Variants in PGBD5 observed in about 807,000 individuals in gnomAD.
PGBD5 encodes the protein piggyBac transposable element-derived protein 5.
In PGBD5, 14 loss-of-function variants were observed where a neutral mutation model predicts 47.9. The ratio of observed to expected loss-of-function variants is 0.29; its 90% confidence interval spans 0.19 to 0.46. The LOEUF is 0.46. PGBD5 is among the 20% of genes least tolerant of loss of function. The pLI, the probability that PGBD5 is intolerant of heterozygous loss-of-function variation, is 1.00. For missense variants in PGBD5, 635 were observed against 716.0 expected, an observed-to-expected ratio of 0.89 and a Z score of 1.29; for synonymous variants, 316 against 306.3, an observed-to-expected ratio of 1.03 and a Z score of -0.33.
At chr1:230,359,850 G>A (rs1182353994) in intron 1 of PGBD5, among the ~76,000 whole-genome samples, 1 of 152,180 alleles carries the variant, frequency 6.6e-6, no homozygotes, top group Non-Finnish European at 1.5e-5. Context: ...GTAGCCTGGA[G>A]GGTAAAGTGG....
At chr1:230,336,026 A>G (rs1388917751) in intron 4 of PGBD5, 1 of 152,058 alleles carries the variant, frequency 6.6e-6, no homozygotes, top group African/African-American at 2.4e-5. Context: ...TGGAACACAC[A>G]TAAACATCAC....
chr1:230,404,120 C>T (rs1330755750), intron 1 of PGBD5, among the ~76,000 whole-genome samples: 1 of 152,066 alleles, frequency 6.6e-6, no homozygotes, highest in Non-Finnish European at 1.5e-5. Context: ...AGGCGTCAAG[C>T]TATGAGACTG....
chr1:230,394,469 G>A (rs924461291), intron 1 of PGBD5, among the ~76,000 whole-genome samples: 1 of 105,520 alleles, frequency 9.5e-6, no homozygotes, highest in Non-Finnish European at 2.0e-5. Flanking sequence ...CCCCTAGTTG[G>A]CCAGGGTCCT....
chr1:230,331,567 G>A (rs911132117), intron 5 of PGBD5, among the ~76,000 whole-genome samples: 2 of 152,068 alleles, frequency 1.3e-5, no homozygotes, highest in Non-Finnish European at 2.9e-5. Context: ...CAGCTTGCAA[G>A]GCCAATTCCA....
At position 230,384,715 on chromosome 1, in the gene PGBD5, G is replaced by A. The variant is rs77711473; in HGVS notation, c.332-27394C>T. Among the ~76,000 whole-genome samples, 405 of 152,344 alleles carry A rather than the reference G, an allele frequency of 2.7e-3. 2 individuals carry two copies. The highest frequency in any genetic ancestry group is 9.5e-3 in the African/African-American group (396 of 41,578). On this transcript the variant is annotated intron_variant, in intron 1 of 6. Coordinates refer to ENST00000391860, the MANE Select transcript of PGBD5 (RefSeq NM_001258311.2). ...GTGTGTTTGACTCTCACGACACCAC[G>A]CGGCCTCTTACCTCAGTCTTCTCAT...
At chr1:230,373,959 G>A (rs1447010172) in intron 1 of PGBD5, among the ~76,000 whole-genome samples, 1 of 152,102 alleles carries the variant, frequency 6.6e-6, no homozygotes, top group Non-Finnish European at 1.5e-5. Flanking sequence ...CAACCTCACA[G>A]GTGTGAGCCA....
At chr1:230,361,616 C>T (rs554109025) in intron 1 of PGBD5, among the ~76,000 whole-genome samples, 7 of 152,316 alleles carry the variant, frequency 4.6e-5, no homozygotes, top group African/African-American at 1.7e-4. Context: ...AACAGATTCC[C>T]TCTTCTCAGC....
At chr1:230,407,679 T>C (rs751881286) in intron 1 of PGBD5, among the ~76,000 whole-genome samples, 4 of 151,936 alleles carry the variant, frequency 2.6e-5, no homozygotes, top group Non-Finnish European at 4.4e-5. Flanking sequence ...CTAATGTTCA[T>C]AGAAAAAAAA....
Position 230,320,955 on chromosome 1 carries a change from A to G in PGBD5, c.*2470T>C, listed in dbSNP as rs528472982. Reference sequence around the variant, plus strand: ...TGCCTTTTCCCATCATGTATCAGACAACAGGTGGCTGCCATTTTAGAAACA... The same window carrying G: ...TGCCTTTTCCCATCATGTATCAGACGACAGGTGGCTGCCATTTTAGAAACA... On this transcript the variant is annotated 3_prime_UTR_variant, in exon 7 of 7. Transcript: ENST00000391860. 1.3e-5 allele frequency: 2 copies of G among 152,360 alleles called. No homozygotes were observed. Among genetic ancestry groups the G allele is most frequent in the Admixed American group, 1.3e-4 (2 of 15,300 alleles). 9.4% of individuals were successfully genotyped at this position (152,360 alleles called of 1,614,324 possible).
Position 230,337,225 on chromosome 1 carries a change from G to T in PGBD5, c.958C>A (p.Gln320Lys), listed in dbSNP as rs2102818902. The T allele has an allele frequency of 6.2e-7, 1 of 1,614,126 alleles. No homozygotes were observed. The highest frequency in any genetic ancestry group is 1.1e-5 in the South Asian group (1 of 91,070). ...DGLDALKNKP[Q>K]LHSMVARSLC... is the part of the protein sequence containing the mutation. The stretch of plus-strand genomic sequence containing the variant: ...CTCCTGGCCACCATGCTGTGGAGCT[G>T]GGGCTTATTCTTCAGCGCATCCAGG... The change falls in exon 4 of 7, where the codon CAG (glutamine) becomes AAG (lysine). Residue 320 changes from glutamine (Q) to lysine (K), a missense_variant. By Grantham distance (53) the Gln-to-Lys change is moderately conservative (BLOSUM62 1). Transcript: ENST00000391860.
chr1:230,353,559 G>C (rs1006878654), intron 2 of PGBD5, among the ~76,000 whole-genome samples: 1 of 152,194 alleles, frequency 6.6e-6, no homozygotes, highest in African/African-American at 2.4e-5. Context: ...AGGCTGGAGG[G>C]TGCGAGTGAG....
At chr1:230,399,843 G>C (rs1415810725) in intron 1 of PGBD5, among the ~76,000 whole-genome samples, 1 of 152,242 alleles carries the variant, frequency 6.6e-6, no homozygotes, top group Non-Finnish European at 1.5e-5. Context: ...CATCAGGGCA[G>C]CCAGCTGGTC....
intron 1 of PGBD5, among the ~76,000 whole-genome samples, chr1:230,374,744 G>T (rs757360675): frequency 2.6e-5 from 4 of 152,132 alleles, no homozygotes; most frequent in African/African-American, 7.2e-5. Context: ...CCAGGTAAAG[G>T]GCCAGTTTCA....
At chr1:230,328,012 T>C (rs1486497225) in intron 5 of PGBD5, among the ~76,000 whole-genome samples, 25 of 152,162 alleles carry the variant, frequency 1.6e-4, no homozygotes, top group Admixed American at 1.4e-3. Context: ...ACCATCCCTA[T>C]AAAGAAATGC....
chr1:230,338,883 T>C (rs1316328370), intron 3 of PGBD5, among the ~76,000 whole-genome samples: 2 of 152,210 alleles, frequency 1.3e-5, no homozygotes, highest in Non-Finnish European at 2.9e-5. Flanking sequence ...CCTCTTGTGC[T>C]TTCTGTCAGG....
intron 1 of PGBD5, among the ~76,000 whole-genome samples, chr1:230,393,812 G>A (rs1233508941): frequency 7.4e-6 from 1 of 135,802 alleles, no homozygotes; most frequent in Non-Finnish European, 1.5e-5. Context: ...GCGACAGAAC[G>A]AGACTCCGTC....
intron 6 of PGBD5, among the ~76,000 whole-genome samples, chr1:230,324,993 C>T (rs767830564): frequency 7.2e-5 from 11 of 152,160 alleles, no homozygotes; most frequent in African/African-American, 9.7e-5. Flanking sequence ...GCGATGCCAA[C>T]GGCTGGAGTT....
chr1:230,364,746 C>T (rs1000614881), intron 1 of PGBD5, among the ~76,000 whole-genome samples: 3 of 152,312 alleles, frequency 2.0e-5, no homozygotes, highest in South Asian at 2.1e-4. Context: ...GCTGGCCAGG[C>T]GCAGTGGCTC....
chr1:230,385,146 A>C (rs1289324344), intron 1 of PGBD5, among the ~76,000 whole-genome samples: 1 of 151,970 alleles, frequency 6.6e-6, no homozygotes, highest in East Asian at 1.9e-4. Context: ...AGTCTCGCGC[A>C]CGTGTTATTT....
Sources: gnomAD v4.1 joint callset for allele counts (sites outside exome capture counted in the v4.1 genomes callset) on GRCh38, gnomAD v4.1.1 for gene constraint, MANE v1.5 for transcripts, NCBI Gene and HGNC (gene_info 2026-07-23, HGNC 2026-07-21) for gene names.